The following PARD3 variants were observed in gnomAD, a reference collection of about 807,000 sequenced individuals.
PARD3 encodes par-3 family cell polarity regulator.
PARD3 carries 75 observed loss-of-function variants against 155.4 expected under a neutral mutation model. The observed-to-expected ratio is 0.48, with a 90% CI of 0.40 to 0.58. The LOEUF (loss-of-function observed/expected upper bound fraction) is 0.58, where lower values mean the gene tolerates loss of function less well. Ranked by LOEUF, PARD3 falls within the 20% of genes least tolerant of loss-of-function variation. The pLI is 0.00. For synonymous variants in PARD3, 576 were observed against 610.5 expected (o/e 0.94, Z 0.83); for missense variants, 1,642 against 1,721.7 (o/e 0.95, Z 0.82).
intron 22 of PARD3, among the ~76,000 whole-genome samples, chr10:34,156,836 C>T (rs1051742463): frequency 3.6e-5 from 2 of 55,256 alleles, no homozygotes; most frequent in Non-Finnish European, 8.0e-5. Flanking sequence ...GAAAGGAAAA[C>T]AGCTTCTGCA....
chr10:34,705,011 T>C (rs923468387), intron 1 of PARD3, among the ~76,000 whole-genome samples: 1 of 152,202 alleles, frequency 6.6e-6, no homozygotes, highest in Admixed American at 6.5e-5. Context: ...TCTCTCTAGA[T>C]TCTCTGGGTA....
At chr10:34,419,217 G>C (rs939974257) in intron 5 of PARD3, among the ~76,000 whole-genome samples, 1 of 152,086 alleles carries the variant, frequency 6.6e-6, no homozygotes, top group African/African-American at 2.4e-5. Context: ...GAATGGATAA[G>C]AAGTAATGCA....
intron 5 of PARD3, among the ~76,000 whole-genome samples, chr10:34,419,924 T>C (rs1191516631): frequency 6.6e-6 from 1 of 152,220 alleles, no homozygotes; most frequent in Non-Finnish European, 1.5e-5. Context: ...CCTAGGAATT[T>C]ATTTTTACCT....
At chr10:34,711,573 T>A (rs1350848034) in intron 1 of PARD3, among the ~76,000 whole-genome samples, 1 of 152,178 alleles carries the variant, frequency 6.6e-6, no homozygotes, top group Non-Finnish European at 1.5e-5. Flanking sequence ...GCCTATTTCC[T>A]GTATATGCAT....
intron 4 of PARD3, among the ~76,000 whole-genome samples, chr10:34,467,450 T>A (rs1295030151): frequency 6.6e-6 from 1 of 152,020 alleles, no homozygotes; most frequent in Non-Finnish European, 1.5e-5. Flanking sequence ...GATAGTAGCA[T>A]GTCATTTAAA....
chr10:34,261,148 C>T (rs898272160), intron 22 of PARD3, among the ~76,000 whole-genome samples: 1 of 152,082 alleles, frequency 6.6e-6, no homozygotes, highest in African/African-American at 2.4e-5. Flanking sequence ...CAATGCACTC[C>T]TGGTGGCAAA....
intron 5 of PARD3, among the ~76,000 whole-genome samples, chr10:34,443,499 A>G (rs1267981470): frequency 6.6e-6 from 1 of 152,194 alleles, no homozygotes; most frequent in Non-Finnish European, 1.5e-5. Flanking sequence ...CCTCACAATC[A>G]TTGTGGAAGG....
At chr10:34,372,422 C>A in intron 12 of PARD3, 76 bp downstream of exon 12, 1 of 1,092,270 alleles carries the variant, frequency 9.2e-7, no homozygotes, top group South Asian at 1.3e-5. Flanking sequence ...CAAGTAACTT[C>A]GTATTAAATT....
At chr10:34,376,892 A>G (rs1841308843) in intron 10 of PARD3, among the ~76,000 whole-genome samples, 2 of 152,138 alleles carry the variant, frequency 1.3e-5, no homozygotes, top group African/African-American at 4.8e-5. Flanking sequence ...AATACAGACT[A>G]TATTTTCTTT....
chr10:34,354,370 T>G (rs1838546711), intron 14 of PARD3, among the ~76,000 whole-genome samples: 1 of 150,274 alleles, frequency 6.7e-6, no homozygotes, highest in Non-Finnish European at 1.5e-5. Context: ...ACAGCGAGAC[T>G]CTGTCTCAAA....
intron 3 of PARD3, among the ~76,000 whole-genome samples, chr10:34,497,025 T>C (rs747985483): frequency 2.6e-4 from 39 of 152,190 alleles, no homozygotes; most frequent in Admixed American, 5.2e-4. Context: ...TAGCCATAAA[T>C]TAATAATTGT....
At chr10:34,777,495 C>A (rs1288504370) in intron 1 of PARD3, among the ~76,000 whole-genome samples, 2 of 152,180 alleles carry the variant, frequency 1.3e-5, no homozygotes, top group Non-Finnish European at 2.9e-5. Flanking sequence ...GGCATCCTCA[C>A]AGTGCAGCAC....
In PARD3 at chr10:34,111,552, T is replaced by G. The variant is rs754018330; in HGVS notation, c.3679A>C (p.Lys1227Gln). The change falls in exon 25 of 25, where the codon AAA (lysine) becomes CAA (glutamine). Residue 1227 changes from lysine (K) to glutamine (Q), a missense_variant. By Grantham distance (53) the Lys-to-Gln change is moderately conservative (BLOSUM62 1). This residue lies in a region of PARD3 where 1,529 missense variants were observed against 1,587.3 expected (regional missense o/e 0.96). Coordinates refer to ENST00000374788, the MANE Select transcript of PARD3 (RefSeq NM_001184785.2). Reference protein sequence around the residue: ...QYSSLPRQSRKNASSVSQDSW... With the variant: ...QYSSLPRQSRQNASSVSQDSW... ...TCCTGGGAGACCGAGCTGGCATTTT[T>G]CCTGCTTTGCCTAGAAAGCAAAACC... is the stretch of plus-strand genomic sequence containing the variant. The G allele has an allele frequency of 2.5e-6, 4 of 1,595,136 alleles. No individual in the cohort carries two copies. The highest frequency in any genetic ancestry group is 3.4e-6 in the Non-Finnish European group (4 of 1,167,498).
At position 34,381,679 on chromosome 10, in the gene PARD3, C is replaced by G. The variant is rs539911037; in HGVS notation, c.1399+861G>C. On this transcript the variant is annotated intron_variant, in intron 9 of 24. Transcript: ENST00000374788. ...GGACATGGTGGCTCACTTCCATAATCCCAGCACTTTGGGAAGCCGAGGTAG... is the reference window on the plus strand; with the variant it reads ...GGACATGGTGGCTCACTTCCATAATGCCAGCACTTTGGGAAGCCGAGGTAG... Among the ~76,000 whole-genome samples the G allele has an allele frequency of 2.0e-5, 3 of 151,980 alleles. No individual in the cohort carries two copies. In the East Asian group the frequency reaches 5.8e-4, roughly 29 times the overall value.
intron 1 of PARD3, among the ~76,000 whole-genome samples, chr10:34,697,941 T>G (rs751029905): frequency 6.6e-6 from 1 of 151,824 alleles, no homozygotes; most frequent in African/African-American, 2.4e-5. Flanking sequence ...AAGAATGAAG[T>G]CCCAAAACCA....
At chr10:34,476,473 G>A (rs751841786) in intron 3 of PARD3, among the ~76,000 whole-genome samples, 10 of 152,032 alleles carry the variant, frequency 6.6e-5, no homozygotes, top group Non-Finnish European at 1.5e-4. Context: ...TGCACTTATG[G>A]CCTTCCTGAA....
chr10:34,652,815 AT>A (rs1390766698), intron 2 of PARD3, among the ~76,000 whole-genome samples: 1 of 152,236 alleles, frequency 6.6e-6, no homozygotes, highest in Non-Finnish European at 1.5e-5. Context: ...CACCATGTGA[AT>A]TCTTTAGTTA....
intron 22 of PARD3, among the ~76,000 whole-genome samples, chr10:34,162,117 C>CA (rs60424974): frequency 0.052 from 7,930 of 152,232 alleles, 391 homozygotes; most frequent in East Asian, 0.24. Context: ...GACCCACCCC[C>CA]CAAGTATTTA....
At chr10:34,669,913 A>C (rs11596284) in intron 2 of PARD3, among the ~76,000 whole-genome samples, 4,939 of 152,348 alleles carry the variant, frequency 0.032, 123 homozygotes, top group Non-Finnish European at 0.048. Context: ...AAGAATAAAA[A>C]TATAGTACTC....
Sources: gnomAD v4.1 joint callset for allele counts (sites outside exome capture counted in the v4.1 genomes callset) on GRCh38, gnomAD v4.1.1 for gene constraint, gnomAD v4.1.1 regional missense constraint, MANE v1.5 for transcripts, NCBI Gene and HGNC (gene_info 2026-07-23, HGNC 2026-07-21) for gene names.